Variants in NPAS3 observed in about 807,000 individuals in gnomAD.
The protein encoded by NPAS3 is neuronal PAS domain-containing protein 3.
NPAS3 carries 14 observed loss-of-function variants against 73.1 expected under a neutral mutation model. That is an observed-to-expected ratio of 0.19 (90% CI 0.13 to 0.30). The LOEUF (loss-of-function observed/expected upper bound fraction) is 0.30, where lower values mean the gene tolerates loss of function less well. Ranked by LOEUF, NPAS3 falls within the 10% of genes least tolerant of loss-of-function variation. The pLI, the probability that NPAS3 is intolerant of heterozygous loss-of-function variation, is 1.00. For missense variants in NPAS3, 1,096 were observed against 1,250.0 expected (o/e 0.88, Z 1.86); for synonymous variants, 620 against 541.5 (o/e 1.14, Z -2.01).
intron 2 of NPAS3, among the ~76,000 whole-genome samples, chr14:33,077,774 G>GTTTTTTTTTTTTTTTTTTTTTTTTTTTT (rs3057435): frequency 2.3e-5 from 2 of 87,470 alleles, no homozygotes; most frequent in African/African-American, 3.9e-5. Context: ...TGCAGTAAGG[G>GTTTTTTTTTTTTTTTTTTTTTTTTTTTT]TTTTTTTTTT....
At chr14:33,187,242 C>T (rs964453824) in intron 2 of NPAS3, among the ~76,000 whole-genome samples, 8 of 152,254 alleles carry the variant, frequency 5.3e-5, no homozygotes, top group African/African-American at 1.7e-4. Context: ...AATCTTGTTG[C>T]TTTCTGACTT....
chr14:33,024,172 ATG>A lies in NPAS3; in HGVS notation c.51-31731_51-31730del, dbSNP rs199666526. Among the ~76,000 whole-genome samples, 117 of 114,164 alleles carry A rather than the reference ATG, an allele frequency of 1.0e-3. 1 individual carries two copies. The highest frequency in any genetic ancestry group is 4.6e-3 in the Middle Eastern group (1 of 218). The allele number at this position is 114,164 out of a possible 152,430, so 74.9% of individuals were successfully genotyped here. A position where few individuals can be genotyped will look rare whatever the true frequency, so the allele number is the denominator to read the frequency against. On this transcript the variant is annotated intron_variant, in intron 1 of 11. Transcript: ENST00000356141. ...TGTGTGTGTGTGTGTGTGTGTGTGT[ATG>A]TATATTCCCCCCACCAAGATGGAGT...
At chr14:33,381,849 G>T (rs1364499593) in intron 4 of NPAS3, among the ~76,000 whole-genome samples, 1 of 152,172 alleles carries the variant, frequency 6.6e-6, no homozygotes, top group Admixed American at 6.5e-5. Context: ...TGAGGAAAAT[G>T]ACATGGCTCA....
At chr14:33,338,087 T>A (rs1197086290) in intron 3 of NPAS3, among the ~76,000 whole-genome samples, 1 of 152,120 alleles carries the variant, frequency 6.6e-6, no homozygotes, top group Admixed American at 6.6e-5. Context: ...CTTATTACAT[T>A]GGTTAGAACC....
chr14:33,758,774 G>A (rs992332924), intron 7 of NPAS3, among the ~76,000 whole-genome samples: 22 of 152,156 alleles, frequency 1.4e-4, no homozygotes, highest in Admixed American at 1.3e-3. Context: ...CAAACAAAAG[G>A]AAGAAACTGA....
At chr14:33,509,227 T>C (rs1462767597) in intron 4 of NPAS3, among the ~76,000 whole-genome samples, 1 of 152,060 alleles carries the variant, frequency 6.6e-6, no homozygotes, top group African/African-American at 2.4e-5. Flanking sequence ...GACTCCTTTG[T>C]TTTTATTCAA....
intron 1 of NPAS3, among the ~76,000 whole-genome samples, chr14:33,052,296 G>A (rs182338217): frequency 2.2e-4 from 33 of 152,230 alleles, no homozygotes; most frequent in Admixed American, 1.4e-3. Flanking sequence ...TAGGCTGTCA[G>A]TTGTTCTCTG....
chr14:33,505,674 GA>G (rs2052723652), intron 4 of NPAS3, among the ~76,000 whole-genome samples: 1 of 151,794 alleles, frequency 6.6e-6, no homozygotes, highest in African/African-American at 2.4e-5. Flanking sequence ...TTCAAAACCG[GA>G]AAAAAAGAAC....
chr14:33,225,590 T>G (rs1042845481), intron 3 of NPAS3, among the ~76,000 whole-genome samples: 5 of 152,240 alleles, frequency 3.3e-5, no homozygotes, highest in African/African-American at 1.2e-4. Flanking sequence ...TGTAATGGAA[T>G]GCATTTGGCT....
intron 4 of NPAS3, among the ~76,000 whole-genome samples, chr14:33,510,443 C>T (rs1458999913): frequency 6.6e-6 from 1 of 151,986 alleles, no homozygotes; most frequent in Non-Finnish European, 1.5e-5. Context: ...AAATCACTTC[C>T]AGTTCCCAGG....
intron 2 of NPAS3, among the ~76,000 whole-genome samples, chr14:33,078,344 A>C (rs2041742599): frequency 1.3e-5 from 2 of 152,264 alleles, no homozygotes; most frequent in African/African-American, 4.8e-5. Context: ...CTTAGAAATA[A>C]AATGGAAGAA....
chr14:33,218,127 A>T (rs1036234016), intron 3 of NPAS3, among the ~76,000 whole-genome samples: 1 of 152,206 alleles, frequency 6.6e-6, no homozygotes. Flanking sequence ...TGTCACTGAG[A>T]AAAAACAGGG....
chr14:33,240,795 T>A lies in NPAS3; in HGVS notation c.385+25369T>A, dbSNP rs142567941. ...CCTCTTAGGGACTTAATATTTCTAC[T>A]CTGTTACAGCCTTTTAATTTACTGA... On this transcript the variant is annotated intron_variant, in intron 3 of 11. Coordinates refer to ENST00000356141, the Ensembl canonical transcript of NPAS3. 7.9e-5 allele frequency among the ~76,000 whole-genome samples: 12 copies of A among 152,092 alleles called. No homozygotes were observed. The East Asian group carries it at 2.3e-3, about 29-fold the overall frequency.
chr14:33,204,682 T>C (rs2046756759), intron 2 of NPAS3, among the ~76,000 whole-genome samples: 1 of 152,096 alleles, frequency 6.6e-6, no homozygotes, highest in South Asian at 2.1e-4. Context: ...AGCACTGCTT[T>C]GGGATTCCGA....
chr14:33,122,969 A>G, intron 2 of NPAS3, among the ~76,000 whole-genome samples: 1 of 152,158 alleles, frequency 6.6e-6, no homozygotes, highest in East Asian at 1.9e-4. Context: ...CAACACTTTT[A>G]GTCATGAGTG....
intron 2 of NPAS3, among the ~76,000 whole-genome samples, chr14:33,162,200 A>G (rs1328125454): frequency 6.6e-6 from 1 of 152,224 alleles, no homozygotes; most frequent in African/African-American, 2.4e-5. Context: ...TAAACTTTTC[A>G]TTACAGAAAT....
At chr14:33,559,468 C>G (rs2055529513) in intron 4 of NPAS3, among the ~76,000 whole-genome samples, 1 of 151,928 alleles carries the variant, frequency 6.6e-6, no homozygotes, top group African/African-American at 2.4e-5. Flanking sequence ...TATTCCTGTT[C>G]AACTATTTAA....
At chr14:33,104,701 A>C (rs1302792993) in intron 2 of NPAS3, among the ~76,000 whole-genome samples, 1 of 152,190 alleles carries the variant, frequency 6.6e-6, no homozygotes, top group Admixed American at 6.5e-5. Context: ...GCCGTAAGCC[A>C]CATTAAGTTC....
chr14:33,374,810 A>G (rs1269181265), intron 4 of NPAS3, among the ~76,000 whole-genome samples: 1 of 152,098 alleles, frequency 6.6e-6, no homozygotes, highest in Non-Finnish European at 1.5e-5. Context: ...CATCTGGGCA[A>G]AGTAAAGTGA....
Sources: allele counts gnomAD v4.1 joint callset (sites outside exome capture counted in the v4.1 genomes callset), GRCh38; gene constraint gnomAD v4.1.1; transcripts MANE v1.5; gene names NCBI Gene and HGNC (gene_info 2026-07-23, HGNC 2026-07-21).